The following LRBA variants were observed in gnomAD, a reference collection of about 807,000 sequenced individuals.
LRBA encodes the protein LPS responsive beige-like anchor protein.
LRBA carries 176 observed loss-of-function variants against 330.0 expected under a neutral mutation model. The observed-to-expected ratio is 0.53, with a 90% CI of 0.47 to 0.60. The LOEUF is 0.60. Among genes scored for constraint, LRBA ranks in the 20% least tolerant of loss-of-function variants. The pLI is 0.00. For synonymous variants in LRBA, 1,230 were observed against 1,193.0 expected, an observed-to-expected ratio of 1.03 and a Z score of -0.64; for missense variants, 3,259 against 3,444.8, an observed-to-expected ratio of 0.95 and a Z score of 1.35.
At chr4:150,786,394 C>A (rs1208949508) in intron 34 of LRBA, among the ~76,000 whole-genome samples, 2 of 152,040 alleles carry the variant, frequency 1.3e-5, no homozygotes, top group Admixed American at 6.5e-5. Flanking sequence ...CAGGCACCCG[C>A]CACCACGCCC....
Position 150,828,633 on chromosome 4 carries a change from C to G in LRBA, c.4730-12G>C. On this transcript the variant is annotated splice_polypyrimidine_tract_variant and intron_variant, in intron 29 of 56. Coordinates refer to ENST00000651943, the MANE Select transcript of LRBA (RefSeq NM_001364905.1). ...TGCTGGTGTGATTTCTATATCATAC[C>G]CAGAAACACAAGAAATAAACAAACA... 1 of 1,592,514 alleles carries G rather than the reference C, an allele frequency of 6.3e-7. No homozygotes were observed. The highest frequency in any genetic ancestry group is 8.6e-7 in the Non-Finnish European group (1 of 1,169,468).
intron 30 of LRBA, 72 bp downstream of exon 30, chr4:150,828,108 T>A: frequency 7.1e-7 from 1 of 1,405,386 alleles, no homozygotes; most frequent in Non-Finnish European, 9.8e-7. Flanking sequence ...CAGGGCGTCA[T>A]CATCCCTAAC....
intron 56 of LRBA, among the ~76,000 whole-genome samples, chr4:150,270,174 A>C (rs767118866): frequency 6.6e-6 from 1 of 152,216 alleles, no homozygotes; most frequent in Non-Finnish European, 1.5e-5. Flanking sequence ...TCAAAAAGTC[A>C]AACGGAATTG....
At chr4:150,307,884 T>C (rs1472838113) in intron 52 of LRBA, among the ~76,000 whole-genome samples, 3 of 152,188 alleles carry the variant, frequency 2.0e-5, no homozygotes, top group Non-Finnish European at 2.9e-5. Context: ...GATGTTTTCT[T>C]TCCTACACCT....
intron 9 of LRBA, among the ~76,000 whole-genome samples, chr4:150,910,711 T>C (rs543265166): frequency 2.3e-4 from 35 of 152,310 alleles, no homozygotes; most frequent in South Asian, 1.4e-3. Context: ...AAAAATGCCA[T>C]TGGGATTTTG....
chr4:150,353,787 G>A (rs985233061), intron 47 of LRBA, among the ~76,000 whole-genome samples: 1 of 152,086 alleles, frequency 6.6e-6, no homozygotes, highest in Non-Finnish European at 1.5e-5. Flanking sequence ...CGGAACTATT[G>A]GCAAAATCAC....
chr4:150,506,041 T>C (rs906132238), intron 40 of LRBA, among the ~76,000 whole-genome samples: 1 of 152,142 alleles, frequency 6.6e-6, no homozygotes, highest in Non-Finnish European at 1.5e-5. Flanking sequence ...AAGTTGAATC[T>C]CTGAATAGAC....
chr4:150,818,046 T>C (rs555289046), intron 30 of LRBA, among the ~76,000 whole-genome samples: 1 of 152,240 alleles, frequency 6.6e-6, no homozygotes, highest in African/African-American at 2.4e-5. Flanking sequence ...CCCAAAGTCT[T>C]CAACATTCAA....
At chr4:150,347,206 G>T (rs562378476) in intron 48 of LRBA, among the ~76,000 whole-genome samples, 71 of 152,310 alleles carry the variant, frequency 4.7e-4, no homozygotes, top group Admixed American at 3.9e-4. Flanking sequence ...TAATTGTACA[G>T]GGACTGGGGA....
chr4:150,829,758 A>G (rs1282389071), intron 29 of LRBA, among the ~76,000 whole-genome samples: 2 of 152,200 alleles, frequency 1.3e-5, no homozygotes, highest in East Asian at 3.8e-4. Context: ...AAATACCACT[A>G]TATTTCCCCA....
chr4:150,374,157 T>A (rs1477203479), intron 47 of LRBA, among the ~76,000 whole-genome samples: 3 of 152,192 alleles, frequency 2.0e-5, no homozygotes, highest in African/African-American at 7.2e-5. Flanking sequence ...CCCTTTTATG[T>A]ACGGATGAAA....
rs1750704231 is a variant in LRBA at position 150,852,259 on chromosome 4, C to A, written c.3451G>T (p.Asp1151Tyr). The change falls in exon 23 of 57, where the codon GAT (aspartate) becomes TAT (tyrosine). Residue 1151 changes from aspartate to tyrosine, a missense_variant. Asp to Tyr is a radical substitution (Grantham distance 160). Transcript: ENST00000651943. ...AGEKLDMFGN[D>Y]DKLIFQEGKP... ...CCTTCTTGAAATATTAATTTGTCATCATTACCAAACATGTCCAGTTTTTCA... is the reference window on the plus strand; with the variant it reads ...CCTTCTTGAAATATTAATTTGTCATAATTACCAAACATGTCCAGTTTTTCA... The A allele has an allele frequency of 6.2e-7, 1 of 1,614,098 alleles. No homozygotes were observed. The highest frequency in any genetic ancestry group is 8.5e-7 in the Non-Finnish European group (1 of 1,179,992).
intron 2 of LRBA, among the ~76,000 whole-genome samples, chr4:150,930,224 A>G (rs915027062): frequency 2.0e-5 from 3 of 152,142 alleles, no homozygotes; most frequent in African/African-American, 7.2e-5. Context: ...TTGAGGTAGG[A>G]GAATCACTTG....
At chr4:150,320,750 C>A (rs1438570374) in intron 50 of LRBA, among the ~76,000 whole-genome samples, 4 of 152,052 alleles carry the variant, frequency 2.6e-5, no homozygotes, top group African/African-American at 7.2e-5. Flanking sequence ...AAGGCTACAG[C>A]GAGCTATGAT....
intron 26 of LRBA, among the ~76,000 whole-genome samples, chr4:150,847,595 T>C (rs1278103624): frequency 6.6e-6 from 1 of 152,240 alleles, no homozygotes; most frequent in Non-Finnish European, 1.5e-5. Flanking sequence ...TCTCTTCATA[T>C]GACCATGGCT....
At chr4:150,881,159 A>G (rs1438989614) in intron 17 of LRBA, among the ~76,000 whole-genome samples, 2 of 152,214 alleles carry the variant, frequency 1.3e-5, no homozygotes, top group Non-Finnish European at 2.9e-5. Context: ...CAGCAATTTT[A>G]TTACCGGGTA....
chr4:150,916,551 A>T, intron 6 of LRBA, 24 bp from the exon 7 acceptor site: 1 of 1,609,542 alleles, frequency 6.2e-7, no homozygotes, highest in Non-Finnish European at 8.5e-7. Flanking sequence ...TTTTCATTTT[A>T]CCTCTAAATA....
At chr4:150,403,876 C>CA (rs1344870370) in intron 47 of LRBA, among the ~76,000 whole-genome samples, 2 of 151,850 alleles carry the variant, frequency 1.3e-5, no homozygotes. Context: ...ACTAAAAATA[C>CA]AAAAAATTAG....
In LRBA at chr4:150,583,640, A is replaced by G. The variant is rs1200903227; in HGVS notation, c.6330+4408T>C. 1.9e-6 allele frequency: 3 copies of G among 1,613,814 alleles called. No individual in the cohort carries two copies. The African/African-American group carries it at 4.0e-5, about 22-fold the overall frequency. The stretch of plus-strand genomic sequence containing the variant: ...GGCCCCAATCGGGTGGCCGAGGTCA[A>G]GGCCGAAGGGTTCAACTTGCTCTCG... On this transcript the variant is annotated intron_variant, in intron 40 of 56. Transcript: ENST00000651943. The surrounding 1 kb of genome is among the most constrained non-coding windows in gnomAD (Gnocchi z 9.8).
Sources: gnomAD v4.1 joint callset for allele counts (sites outside exome capture counted in the v4.1 genomes callset) on GRCh38, gnomAD v4.1.1 for gene constraint, Gnocchi (gnomAD v3.1) non-coding constraint, MANE v1.5 for transcripts, NCBI Gene and HGNC (gene_info 2026-07-23, HGNC 2026-07-21) for gene names.